The following NTRK1 variants were observed in gnomAD, a reference collection of about 807,000 sequenced individuals.
NTRK1 encodes neurotrophic receptor tyrosine kinase 1.
A neutral mutation model predicts 86.8 loss-of-function variants in NTRK1; 62 were observed. The ratio of observed to expected loss-of-function variants is 0.71; its 90% CI spans 0.58 to 0.88. NTRK1 has a LOEUF of 0.88. Ranked by LOEUF, NTRK1 falls within the 40% of genes least tolerant of loss-of-function variation. The probability of loss-of-function intolerance (pLI) is 0.00; values close to 1 mark genes in which losing one functional copy is unlikely to be tolerated. For missense variants in NTRK1, 967 were observed against 1,078.4 expected (o/e 0.90, Z 1.45); for synonymous variants, 469 against 456.6 (o/e 1.03, Z -0.35).
At chr1:156,853,716 C>T in intron 2 of NTRK1, 1 of 1,564,044 alleles carries the variant, frequency 6.4e-7, no homozygotes, top group Non-Finnish European at 8.7e-7. Flanking sequence ...CCTGCTCTCT[C>T]CCTTCCCTAC....
rs1208257447 is a variant in NTRK1, at chr1:156,861,266, C to T, written c.212+120C>T. On this transcript the variant is annotated intron_variant, in intron 1 of 16. Transcript: ENST00000524377. ...GGACGAGCACGGCGGAAGGCTGGCA[C>T]CACGCAGCCTTCGGCGCTGCCCGGG... 22 of 1,203,958 alleles carry T rather than the reference C, an allele frequency of 1.8e-5. No individual in the cohort carries two copies. The Admixed American group carries it at 4.6e-4, about 25-fold the overall frequency. The allele number at this position is 1,203,958 out of a possible 1,614,324, so 74.6% of individuals were successfully genotyped here.
chr1:156,845,276 C>T (rs764071681), intron 2 of NTRK1: 23 of 1,612,266 alleles, frequency 1.4e-5, no homozygotes, highest in Non-Finnish European at 2.0e-5. Flanking sequence ...CCCAGCTGCC[C>T]GGCGGTGCCG....
rs55970329 is a variant in NTRK1 at position 156,880,022 on chromosome 1, C to G, written c.2070C>G (p.Pro690=). 4 of 1,613,376 alleles carry G rather than the reference C, an allele frequency of 2.5e-6. No individual in the cohort carries two copies. In the East Asian group the frequency reaches 8.9e-5, roughly 36 times the overall value. The change falls in exon 16 of 17, where the codon CCC becomes CCG. Residue 690 remains proline (P), a synonymous_variant. Coordinates refer to ENST00000524377, the MANE Select transcript of NTRK1 (RefSeq NM_002529.4). ...YYRVGGRTML[P]IRWMPPESIL... is the part of the protein sequence containing the mutation. ...AGGTGGGAGGCCGCACCATGCTGCC[C>G]ATTCGCTGGATGCCGCCCGAGAGCA...
At chr1:156,879,648 T>C (rs569824967) in intron 15 of NTRK1, among the ~76,000 whole-genome samples, 40 of 152,304 alleles carry the variant, frequency 2.6e-4, no homozygotes, top group African/African-American at 8.7e-4. Flanking sequence ...TCTCACTCTG[T>C]TGCTAGGCTG....
At position 156,816,087 on chromosome 1, in the gene NTRK1, G is replaced by A. The variant is rs1225565413; in HGVS notation, c.-64+249G>A. ...TGCTGAAGGTTGGGATGGGGGCTTCGTGACTCCCTGTGAGCACAAAGAGGG... is the reference window on the plus strand; with the variant it reads ...TGCTGAAGGTTGGGATGGGGGCTTCATGACTCCCTGTGAGCACAAAGAGGG... On this transcript the variant is annotated intron_variant, in intron 1 of 16. Transcript: ENST00000392302. The A allele has an allele frequency of 8.1e-6, 13 of 1,612,732 alleles. No homozygotes were observed. The African/African-American group carries it at 1.1e-4, about 13-fold the overall frequency.
chr1:156,859,186 C>G (rs1655521487), upstream of NTRK1, among the ~76,000 whole-genome samples: 1 of 147,362 alleles, frequency 6.8e-6, no homozygotes, highest in African/African-American at 2.5e-5. The surrounding 1 kb of genome is among the most constrained non-coding windows in gnomAD (Gnocchi z 6.2). Flanking sequence ...GATTGGTTCG[C>G]AGGGACCTTT....
At chr1:156,848,073 C>A (rs115594142) in intron 2 of NTRK1, among the ~76,000 whole-genome samples, 1 of 151,972 alleles carries the variant, frequency 6.6e-6, no homozygotes, top group Non-Finnish European at 1.5e-5. Context: ...CAGTGGGGGG[C>A]GAGGCCCAGG....
At chr1:156,842,260 C>T in intron 2 of NTRK1, 3 of 1,613,914 alleles carry the variant, frequency 1.9e-6, no homozygotes, top group Non-Finnish European at 2.5e-6. Flanking sequence ...GCTGTGGGAG[C>T]CCAGGGTTGT....
At position 156,845,318 on chromosome 1, in the gene NTRK1, C is replaced by G. The variant is rs184555378; in HGVS notation, c.50+3125C>G. On this transcript the variant is annotated intron_variant, in intron 2 of 16. Transcript: ENST00000392302. Reference sequence around the variant, plus strand: ...GTCCCTGGGGAGAGCGAGTCAGAGCCAAGGCCCAGCCCCCAAAGCCACGCC... The same window carrying G: ...GTCCCTGGGGAGAGCGAGTCAGAGCGAAGGCCCAGCCCCCAAAGCCACGCC... 12,058 of 1,610,942 alleles carry G rather than the reference C, an allele frequency of 7.5e-3. 54 individuals are homozygous for G. The highest frequency in any genetic ancestry group is 9.1e-3 in the Non-Finnish European group (10,699 of 1,177,892).
upstream of NTRK1, chr1:156,858,501 G>T: frequency 6.4e-7 from 1 of 1,552,910 alleles, no homozygotes; most frequent in Non-Finnish European, 8.9e-7. Flanking sequence ...GGCTGGGAGG[G>T]AGGTAGGGGT....
intron 1 of NTRK1, among the ~76,000 whole-genome samples, chr1:156,838,953 C>T (rs148684098): frequency 3.9e-5 from 6 of 152,364 alleles, no homozygotes; most frequent in East Asian, 3.9e-4. Flanking sequence ...CCAGGGCTTG[C>T]GTGGAGTCTC....
At chr1:156,851,776 G>A in intron 2 of NTRK1, 2 of 1,610,230 alleles carry the variant, frequency 1.2e-6, no homozygotes, top group South Asian at 2.2e-5. Context: ...CCTCGCACTT[G>A]TGGCAGAATA....
intron 2 of NTRK1, among the ~76,000 whole-genome samples, chr1:156,855,781 C>T (rs1201170589): frequency 1.3e-5 from 2 of 152,138 alleles, no homozygotes; most frequent in East Asian, 1.9e-4. Flanking sequence ...GCCGTGATCA[C>T]GCCACTGCAC....
At chr1:156,816,745 G>C (rs776891748) in intron 1 of NTRK1, 166 of 1,564,596 alleles carry the variant, frequency 1.1e-4, no homozygotes, top group Non-Finnish European at 1.4e-4. Context: ...AGCAGGGTGT[G>C]TGTATGTGTT....
chr1:156,816,702 A>G (rs780720483), intron 1 of NTRK1: 5 of 1,598,680 alleles, frequency 3.1e-6, no homozygotes, highest in East Asian at 2.3e-5. Flanking sequence ...GCCAGGGGGA[A>G]CTCCATGAGG....
At chr1:156,851,165 T>C in intron 2 of NTRK1, 1 of 986,740 alleles carries the variant, frequency 1.0e-6, no homozygotes, top group Non-Finnish European at 1.6e-6. Context: ...GAAGTTAACC[T>C]ACTTAGAGTC....
At chr1:156,867,767 G>A (rs558345277) in intron 4 of NTRK1, among the ~76,000 whole-genome samples, 2 of 151,812 alleles carry the variant, frequency 1.3e-5, no homozygotes, top group Non-Finnish European at 2.9e-5. Context: ...TCCGCCTCCT[G>A]GGTTCACGCC....
rs767526572 is a variant in NTRK1 at position 156,854,101 on chromosome 1, G to A, written c.51-10253G>A. 3 of 1,614,140 alleles carry A rather than the reference G, an allele frequency of 1.9e-6. No homozygotes were observed. The highest frequency in any genetic ancestry group is 8.5e-7 in the Non-Finnish European group (1 of 1,180,044). ...GGATGACTGCTAGGTTGGGGAAGAG[G>A]TCGCGCAGGCTCTCCAGTCCGTAGA... is the stretch of plus-strand genomic sequence containing the variant. On this transcript the variant is annotated intron_variant, in intron 2 of 16. Transcript: ENST00000392302. The surrounding 1 kb of genome is among the most constrained non-coding windows in gnomAD (Gnocchi z 4.2).
intron 2 of NTRK1, chr1:156,845,344 C>T (rs1407118832): frequency 1.9e-6 from 3 of 1,606,342 alleles, no homozygotes; most frequent in Non-Finnish European, 2.6e-6. Context: ...AAGCCACGCC[C>T]CTCAGCACCT....
Sources: gnomAD v4.1 joint callset for allele counts (sites outside exome capture counted in the v4.1 genomes callset) on GRCh38, gnomAD v4.1.1 for gene constraint, Gnocchi (gnomAD v3.1) non-coding constraint, MANE v1.5 for transcripts, NCBI Gene and HGNC (gene_info 2026-07-23, HGNC 2026-07-21) for gene names.